ZFYVE9: variants seen among roughly 807,000 people sequenced by gnomAD.
ZFYVE9 encodes the protein zinc finger FYVE domain-containing protein 9.
A neutral mutation model predicts 126.7 loss-of-function variants in ZFYVE9; 43 were observed. The observed-to-expected ratio is 0.34, with a 90% CI of 0.27 to 0.44. ZFYVE9 has a LOEUF of 0.44. ZFYVE9 is among the 20% of genes least tolerant of loss of function. The pLI is 1.00. For missense variants in ZFYVE9, 1,476 were observed against 1,697.0 expected (o/e 0.87, Z 2.29); for synonymous variants, 521 against 597.4 (o/e 0.87, Z 1.87).
At chr1:52,333,354 C>A (rs1016812715) in intron 14 of ZFYVE9, among the ~76,000 whole-genome samples, 1 of 151,280 alleles carries the variant, frequency 6.6e-6, no homozygotes, top group Non-Finnish European at 1.5e-5. Flanking sequence ...TTTGAAGGCA[C>A]GACTAGGCCC....
At chr1:52,269,766 C>T (rs961389226) in intron 7 of ZFYVE9, among the ~76,000 whole-genome samples, 1 of 151,806 alleles carries the variant, frequency 6.6e-6, no homozygotes, top group African/African-American at 2.4e-5. Flanking sequence ...TTTATTCCCC[C>T]CAACTGTTTT....
At chr1:52,228,436 T>C (rs969463642) in intron 2 of ZFYVE9, among the ~76,000 whole-genome samples, 1 of 152,230 alleles carries the variant, frequency 6.6e-6, no homozygotes, top group Non-Finnish European at 1.5e-5. Context: ...TGTGCCCTTT[T>C]TTCTTTTAAG....
At chr1:52,201,314 A>G (rs1389502438) in intron 1 of ZFYVE9, among the ~76,000 whole-genome samples, 1 of 151,216 alleles carries the variant, frequency 6.6e-6, no homozygotes, top group Non-Finnish European at 1.5e-5. Flanking sequence ...TGGCTTTTAT[A>G]TATTAACCTT....
chr1:52,304,006 T>C, intron 13 of ZFYVE9, 81 bp downstream of exon 13: 1 of 835,054 alleles, frequency 1.2e-6, no homozygotes, highest in South Asian at 2.7e-5. Context: ...ATATAAATTT[T>C]ACTTATAATT....
chr1:52,324,160 G>A (rs578082035), intron 13 of ZFYVE9, among the ~76,000 whole-genome samples: 2 of 151,938 alleles, frequency 1.3e-5, no homozygotes, highest in South Asian at 4.2e-4. Flanking sequence ...GAGGTGGGAG[G>A]CTCACTTGAG....
intron 12 of ZFYVE9, among the ~76,000 whole-genome samples, chr1:52,300,294 A>G (rs1006708176): frequency 2.0e-5 from 3 of 152,032 alleles, no homozygotes; most frequent in Admixed American, 6.6e-5. Flanking sequence ...AGAGAACAAT[A>G]AGAAAAAAAA....
intron 13 of ZFYVE9, among the ~76,000 whole-genome samples, chr1:52,323,591 A>G (rs755236517): frequency 2.0e-5 from 3 of 152,186 alleles, no homozygotes; most frequent in Non-Finnish European, 2.9e-5. Context: ...CTGGGCACAT[A>G]GCGTGAGACC....
intron 3 of ZFYVE9, among the ~76,000 whole-genome samples, chr1:52,233,583 G>C (rs1645244491): frequency 6.6e-6 from 1 of 152,156 alleles, no homozygotes; most frequent in African/African-American, 2.4e-5. Flanking sequence ...TAGAGCCTGA[G>C]CTTTACTGAA....
rs1169024026 is a variant in ZFYVE9, at chr1:52,318,036, T to C, written c.3438+14111T>C. On this transcript the variant is annotated intron_variant, in intron 13 of 18. Transcript: ENST00000287727. ...CACCAAGAAAATAGAAGAGAAGGAA[T>C]CTTACTCTATGAGGTCAGCCTTATA... Among the ~76,000 whole-genome samples, 4 of 151,878 alleles carry C rather than the reference T, an allele frequency of 2.6e-5. 1 individual carries two copies. Among genetic ancestry groups the C allele is most frequent in the African/African-American group, 9.7e-5 (4 of 41,362 alleles).
At chr1:52,255,938 CTTTTCTTTTCTTTTCT>C (rs1209126375) in intron 4 of ZFYVE9, among the ~76,000 whole-genome samples, 2 of 124,292 alleles carry the variant, frequency 1.6e-5, no homozygotes, top group Admixed American at 7.9e-5. Flanking sequence ...CTTTTCTTTT[CTTTTCTTTTCTTTTCT>C]TTTCTTTTCT....
intron 13 of ZFYVE9, among the ~76,000 whole-genome samples, chr1:52,310,706 C>A (rs572931684): frequency 9.2e-5 from 14 of 152,308 alleles, no homozygotes; most frequent in Non-Finnish European, 7.3e-5. Flanking sequence ...AGTTTTAGGG[C>A]TGATGAGTTA....
intron 4 of ZFYVE9, chr1:52,252,203 GC>G (rs1430137737): frequency 2.6e-5 from 4 of 155,026 alleles, no homozygotes; most frequent in African/African-American, 4.8e-5. Context: ...AGTGCTTACA[GC>G]TACTATTAAT....
intron 1 of ZFYVE9, among the ~76,000 whole-genome samples, chr1:52,174,508 T>C (rs2124529302): frequency 6.6e-6 from 1 of 152,286 alleles, no homozygotes; most frequent in East Asian, 1.9e-4. Context: ...GTTCTGTAGA[T>C]ATCTATTAGG....
chr1:52,266,634 TTGTGTC>T lies in ZFYVE9; in HGVS notation c.2279-17_2279-12del. The T allele has an allele frequency of 6.4e-7, 1 of 1,561,128 alleles. No homozygotes were observed. ...ATATTTTGCAATCCATTCACATTGA[TTGTGTC>T]TGTATTTGCTTTAGCTCAAGCCTGG... On this transcript the variant is annotated splice_polypyrimidine_tract_variant and intron_variant, in intron 5 of 18. Coordinates refer to ENST00000287727, the MANE Select transcript of ZFYVE9 (RefSeq NM_004799.4).
intron 1 of ZFYVE9, among the ~76,000 whole-genome samples, chr1:52,148,651 T>C (rs867775281): frequency 6.6e-6 from 1 of 151,780 alleles, no homozygotes; most frequent in Admixed American, 6.6e-5. Context: ...TTCTTTCTTT[T>C]TTTTTTTTGA....
chr1:52,249,459 A>G (rs1008034356), intron 4 of ZFYVE9, among the ~76,000 whole-genome samples: 1 of 152,110 alleles, frequency 6.6e-6, no homozygotes, highest in African/African-American at 2.4e-5. Context: ...AGAAATGTCT[A>G]TTCAGGTCTT....
In ZFYVE9 at chr1:52,298,809, T is replaced by G. The variant is rs556348946; in HGVS notation, c.3333+2832T>G. ...GGAATCAGTTTCCTTTGTCAATGTT[T>G]TTTTTTTTTTTTTTTTTTGAGACGG... On this transcript the variant is annotated intron_variant, in intron 12 of 18. Coordinates refer to ENST00000287727, the MANE Select transcript of ZFYVE9 (RefSeq NM_004799.4). 2.2e-3 allele frequency among the ~76,000 whole-genome samples: 322 copies of G among 146,274 alleles called. 1 individual carries two copies. Among genetic ancestry groups the G allele is most frequent in the African/African-American group, 7.6e-3 (299 of 39,160 alleles).
intron 5 of ZFYVE9, among the ~76,000 whole-genome samples, chr1:52,265,253 G>T (rs1045463256): frequency 6.6e-6 from 1 of 151,942 alleles, no homozygotes; most frequent in African/African-American, 2.4e-5. Flanking sequence ...GATGCTTTTC[G>T]GTGTTCCCTA....
chr1:52,346,349 G>GT lies in ZFYVE9; in HGVS notation c.*128_*129insT. 12 of 313,086 alleles carry GT rather than the reference G, an allele frequency of 3.8e-5. No individual in the cohort carries two copies. The highest frequency in any genetic ancestry group is 6.9e-5 in the Non-Finnish European group (11 of 158,398). 19.4% of individuals were successfully genotyped at this position (313,086 alleles called of 1,614,324 possible). A position where few individuals can be genotyped will look rare whatever the true frequency, so the allele number is the denominator to read the frequency against. On this transcript the variant is annotated 3_prime_UTR_variant, in exon 19 of 19. Coordinates refer to ENST00000287727, the MANE Select transcript of ZFYVE9 (RefSeq NM_004799.4). ...ATTAATGGGGTGGGGAATAGGGTGGGAGTGGGGGTTTGGGAGACGGGTGGG... is the reference window on the plus strand; with the variant it reads ...ATTAATGGGGTGGGGAATAGGGTGGGTAGTGGGGGTTTGGGAGACGGGTGGG...
Sources: allele counts gnomAD v4.1 joint callset (sites outside exome capture counted in the v4.1 genomes callset), GRCh38; gene constraint gnomAD v4.1.1; transcripts MANE v1.5; gene names NCBI Gene and HGNC (gene_info 2026-07-23, HGNC 2026-07-21).